MAGI1: variants seen among roughly 807,000 people sequenced by gnomAD.
MAGI1 encodes the protein membrane associated guanylate kinase, WW and PDZ domain containing 1.
A neutral mutation model predicts 139.9 loss-of-function variants in MAGI1; 58 were observed. That is an observed-to-expected ratio of 0.41 (90% CI 0.34 to 0.52). The LOEUF is 0.52. Among genes scored for constraint, MAGI1 ranks in the 20% least tolerant of loss-of-function variants. The pLI is 0.12. For synonymous variants in MAGI1, 812 were observed against 737.9 expected, an observed-to-expected ratio of 1.10 and a Z score of -1.63; for missense variants, 1,874 against 1,901.6, an observed-to-expected ratio of 0.99 and a Z score of 0.27.
At chr3:65,953,494 C>T (rs2063964130) in intron 1 of MAGI1, among the ~76,000 whole-genome samples, 1 of 152,180 alleles carries the variant, frequency 6.6e-6, no homozygotes, top group African/African-American at 2.4e-5. Context: ...GAGAAGGACA[C>T]GGAAACCTGG....
intron 1 of MAGI1, among the ~76,000 whole-genome samples, chr3:65,981,536 T>C (rs2065580823): frequency 6.6e-6 from 1 of 152,218 alleles, no homozygotes; most frequent in African/African-American, 2.4e-5. Flanking sequence ...AAATATTATA[T>C]GAGAGACTGT....
chr3:65,480,289 T>C (rs9818366), intron 3 of MAGI1, among the ~76,000 whole-genome samples: 1,673 of 151,946 alleles, frequency 0.011, 33 homozygotes, highest in African/African-American at 0.038. Flanking sequence ...TACCAGCACA[T>C]TGGGAGGCTG....
At chr3:65,566,796 C>T (rs1191123195) in intron 2 of MAGI1, among the ~76,000 whole-genome samples, 1 of 151,414 alleles carries the variant, frequency 6.6e-6, no homozygotes, top group Non-Finnish European at 1.5e-5. Context: ...AGAAGAGGCC[C>T]AGGACACTCA....
chr3:65,974,923 T>C (rs747066995), intron 1 of MAGI1, among the ~76,000 whole-genome samples: 3 of 152,136 alleles, frequency 2.0e-5, no homozygotes, highest in Non-Finnish European at 2.9e-5. Context: ...GCAGGGATCA[T>C]TGGAGGACAT....
In MAGI1 at chr3:65,361,314, G is replaced by A. The variant is rs1449140468; in HGVS notation, c.3519C>T (p.Ile1173=). Residue 1173 remains isoleucine, a synonymous_variant, in exon 22 of 23, where the codon ATC becomes ATT. Coordinates refer to ENST00000402939, the MANE Select transcript of MAGI1 (RefSeq NM_001033057.2). The part of the protein sequence containing the change: ...KMRIGDEILE[I]NGETTKNMKH... ...TCATGTTTTTGGTGGTCTCACCATTGATCTCTAAAATTTCATCACCAATCT... is the reference window on the plus strand; with the variant it reads ...TCATGTTTTTGGTGGTCTCACCATTAATCTCTAAAATTTCATCACCAATCT... 4 of 1,613,734 alleles carry A rather than the reference G, an allele frequency of 2.5e-6. No individual in the cohort carries two copies. Among genetic ancestry groups the A allele is most frequent in the Middle Eastern group, 1.6e-4 (1 of 6,080 alleles).
intron 5 of MAGI1, among the ~76,000 whole-genome samples, chr3:65,467,408 T>G (rs1047470788): frequency 1.3e-5 from 2 of 152,302 alleles, no homozygotes; most frequent in South Asian, 4.1e-4. Flanking sequence ...GAAAAACACA[T>G]GAAAACAAAG....
chr3:65,686,078 C>T (rs2088001556), intron 1 of MAGI1, among the ~76,000 whole-genome samples: 1 of 152,150 alleles, frequency 6.6e-6, no homozygotes, highest in Non-Finnish European at 1.5e-5. Flanking sequence ...CTGTACGGCT[C>T]TGCTGTCATG....
intron 1 of MAGI1, among the ~76,000 whole-genome samples, chr3:65,785,153 C>A (rs1426300595): frequency 6.6e-6 from 1 of 152,160 alleles, no homozygotes; most frequent in Non-Finnish European, 1.5e-5. Context: ...TGTGATTTAA[C>A]TTCTGTATCC....
chr3:65,404,395 A>G (rs1945164519), intron 12 of MAGI1, among the ~76,000 whole-genome samples: 1 of 152,206 alleles, frequency 6.6e-6, no homozygotes, highest in South Asian at 2.1e-4. Context: ...CAAACCGTAT[A>G]TTACAACAAA....
chr3:65,881,124 G>A (rs1294090573), intron 1 of MAGI1, among the ~76,000 whole-genome samples: 2 of 151,950 alleles, frequency 1.3e-5, no homozygotes, highest in African/African-American at 2.4e-5. Context: ...GAGCTCAAGC[G>A]ATCCACCTGC....
chr3:65,703,822 G>C (rs2089778980), intron 1 of MAGI1, among the ~76,000 whole-genome samples: 1 of 152,136 alleles, frequency 6.6e-6, no homozygotes, highest in Non-Finnish European at 1.5e-5. Flanking sequence ...ATGAGTTCTA[G>C]ATTAGTAATA....
chr3:65,763,091 C>T (rs1270551119), intron 1 of MAGI1, among the ~76,000 whole-genome samples: 3 of 152,286 alleles, frequency 2.0e-5, no homozygotes, highest in Admixed American at 2.0e-4. Context: ...CACTCTTTTC[C>T]TTCCTGAAAG....
At chr3:65,610,842 T>C (rs2106933268) in intron 2 of MAGI1, among the ~76,000 whole-genome samples, 1 of 100,960 alleles carries the variant, frequency 9.9e-6, no homozygotes, top group South Asian at 2.9e-4. Flanking sequence ...GTAGATAGTA[T>C]ATACTATATA....
intron 1 of MAGI1, among the ~76,000 whole-genome samples, chr3:65,661,745 G>GATT (rs2086200196): frequency 1.1e-5 from 1 of 93,920 alleles, no homozygotes; most frequent in Admixed American, 1.5e-4. Context: ...GTTTTTTTCT[G>GATT]TTTTTTTTTT....
chr3:65,459,748 C>A (rs1463506256), intron 5 of MAGI1, among the ~76,000 whole-genome samples: 4 of 152,008 alleles, frequency 2.6e-5, no homozygotes, highest in Non-Finnish European at 4.4e-5. Context: ...CACAGAAAAA[C>A]CCTGTCTCTA....
At chr3:65,734,513 A>G (rs899376011) in intron 1 of MAGI1, among the ~76,000 whole-genome samples, 8 of 149,722 alleles carry the variant, frequency 5.3e-5, no homozygotes, top group Non-Finnish European at 1.0e-4. Context: ...AAGAGAGAGA[A>G]AGAAAGAGAG....
intron 1 of MAGI1, among the ~76,000 whole-genome samples, chr3:65,976,575 G>A (rs1321994804): frequency 2.6e-5 from 4 of 152,138 alleles, no homozygotes; most frequent in Admixed American, 2.0e-4. Context: ...AGGTTGCAGT[G>A]AGCCAAGATG....
rs371617322 is a variant in MAGI1 at position 65,438,792 on chromosome 3, C to T, written c.1270+1087G>A. On this transcript the variant is annotated intron_variant, in intron 9 of 22. Coordinates refer to ENST00000402939, the MANE Select transcript of MAGI1 (RefSeq NM_001033057.2). ...ATTACATGAAGTTGAAATTACAGTG[C>T]CCATAAAGTTTTATTTGAACACAGC... 3.9e-5 allele frequency among the ~76,000 whole-genome samples: 6 copies of T among 152,162 alleles called. No homozygotes were observed. The East Asian group carries it at 7.7e-4, about 20-fold the overall frequency.
At chr3:65,375,704 GA>G in intron 18 of MAGI1, 40 bp downstream of exon 18, 1 of 1,372,202 alleles carries the variant, frequency 7.3e-7, no homozygotes, top group Non-Finnish European at 1.0e-6. Context: ...CAGAGAGAGA[GA>G]AAAAGAGAGA....
Sources: gnomAD v4.1 joint callset for allele counts (sites outside exome capture counted in the v4.1 genomes callset) on GRCh38, gnomAD v4.1.1 for gene constraint, MANE v1.5 for transcripts, NCBI Gene and HGNC (gene_info 2026-07-23, HGNC 2026-07-21) for gene names.